Variants in SLC23A2 observed in about 807,000 individuals in gnomAD.
The protein encoded by SLC23A2 is solute carrier family 23 member 2.
A neutral mutation model predicts 73.3 loss-of-function variants in SLC23A2; 36 were observed. The observed-to-expected ratio is 0.49, with a 90% CI of 0.38 to 0.65. The LOEUF is 0.65. SLC23A2 is among the 30% of genes least tolerant of loss of function. The pLI is 0.00. For missense variants in SLC23A2, 507 were observed against 841.6 expected (o/e 0.60, Z 4.92); for synonymous variants, 343 against 327.3 (o/e 1.05, Z -0.52).
At chr20:4,865,973 T>G (rs6038002) in intron 13 of SLC23A2, among the ~76,000 whole-genome samples, 1 of 151,806 alleles carries the variant, frequency 6.6e-6, no homozygotes, top group Non-Finnish European at 1.5e-5. Context: ...GCTGGGACTA[T>G]GGGCACCAGC....
At chr20:5,010,240 C>T (rs2088235912) in exon 1 of SLC23A2, 1 of 152,118 alleles carries the variant, frequency 6.6e-6, no homozygotes, top group African/African-American at 2.4e-5. Flanking sequence ...CACCCTGAGT[C>T]TGAAGATCTG....
chr20:4,941,701 C>T (rs1285764445), intron 2 of SLC23A2, among the ~76,000 whole-genome samples: 1 of 140,702 alleles, frequency 7.1e-6, no homozygotes, highest in South Asian at 2.2e-4. Context: ...GACTCTGTCT[C>T]GAGGAAAAAA....
chr20:4,891,402 C>A (rs1319795195), intron 6 of SLC23A2, among the ~76,000 whole-genome samples: 1 of 152,142 alleles, frequency 6.6e-6, no homozygotes, highest in Admixed American at 6.5e-5. Flanking sequence ...GCTAGAGTTG[C>A]AGGAACAAAA....
At chr20:4,971,282 T>C (rs6053002) in intron 1 of SLC23A2, among the ~76,000 whole-genome samples, 60,900 of 148,916 alleles carry the variant, frequency 0.41, 12,539 homozygotes, top group Admixed American at 0.48. Context: ...GCCTGAGCAA[T>C]AGGGTGGTCT....
chr20:4,857,768 T>C lies in SLC23A2; in HGVS notation c.1721-564A>G, dbSNP rs1929786415. Among the ~76,000 whole-genome samples the C allele has an allele frequency of 6.6e-6, 1 of 151,862 alleles. No homozygotes were observed. Among genetic ancestry groups the C allele is most frequent in the East Asian group, 1.9e-4 (1 of 5,174 alleles). Reference sequence around the variant, plus strand: ...CAACATGGTGAAATCCCGTCCCCACTCAAAATACAAAAATTAGCTGGGCGT... The same window carrying C: ...CAACATGGTGAAATCCCGTCCCCACCCAAAATACAAAAATTAGCTGGGCGT... On this transcript the variant is annotated intron_variant, in intron 16 of 16. Coordinates refer to ENST00000338244, the MANE Select transcript of SLC23A2 (RefSeq NM_005116.6). This position sits in a 1 kb window ranked among gnomAD's most constrained non-coding sequence, Gnocchi z 4.0.
In SLC23A2 at chr20:4,883,521, A is replaced by T. The variant is rs566054126; in HGVS notation, c.824+121T>A. The T allele has an allele frequency of 1.3e-6, 1 of 765,462 alleles. No homozygotes were observed. The highest frequency in any genetic ancestry group is 2.0e-5 in the South Asian group (1 of 49,312). 47.4% of individuals were successfully genotyped at this position (765,462 alleles called of 1,614,324 possible). ...CTTCAACTATTCCCCAGCACGAAGCAAATAAAGTTGAAACTGTCAGACCAT... is the reference window on the plus strand; with the variant it reads ...CTTCAACTATTCCCCAGCACGAAGCTAATAAAGTTGAAACTGTCAGACCAT... On this transcript the variant is annotated intron_variant, in intron 9 of 16. Transcript: ENST00000338244. This position sits in a 1 kb window ranked among gnomAD's most constrained non-coding sequence, Gnocchi z 4.5.
intron 2 of SLC23A2, among the ~76,000 whole-genome samples, chr20:4,965,803 C>T (rs1600181716): frequency 6.6e-6 from 1 of 152,052 alleles, no homozygotes; most frequent in African/African-American, 2.4e-5. Flanking sequence ...ACCATCTCTA[C>T]TAAGAATACA....
intron 1 of SLC23A2, among the ~76,000 whole-genome samples, 198 bp downstream of exon 1, chr20:5,001,208 G>T (rs919251447): frequency 6.6e-6 from 1 of 150,834 alleles, no homozygotes; most frequent in Non-Finnish European, 1.5e-5. Flanking sequence ...TTGGGCCCCG[G>T]GGCCAGGGTG....
intron 1 of SLC23A2, among the ~76,000 whole-genome samples, chr20:4,974,694 GTAT>G (rs2087616286): frequency 6.6e-6 from 1 of 151,864 alleles, no homozygotes; most frequent in Non-Finnish European, 1.5e-5. Flanking sequence ...CCCAATGTTT[GTAT>G]TTTTTTCAAG....
chr20:4,910,381 A>AG (rs1485122078), intron 4 of SLC23A2, among the ~76,000 whole-genome samples: 1 of 78,310 alleles, frequency 1.3e-5, no homozygotes, highest in Non-Finnish European at 3.4e-5. Context: ...TGTCTCAAGA[A>AG]AAAAAAAAAA....
At chr20:4,924,102 C>T (rs1286911130) in intron 3 of SLC23A2, among the ~76,000 whole-genome samples, 3 of 152,094 alleles carry the variant, frequency 2.0e-5, no homozygotes, top group Admixed American at 1.3e-4. Context: ...AGCTCTGAGC[C>T]GCATCGCCAC....
intron 9 of SLC23A2, among the ~76,000 whole-genome samples, chr20:4,877,260 T>G (rs1930697418): frequency 1.3e-5 from 2 of 152,222 alleles, no homozygotes; most frequent in African/African-American, 4.8e-5. Context: ...TCATCATTGC[T>G]TCTAATACTC....
At chr20:4,873,097 A>G (rs948709681) in intron 11 of SLC23A2, among the ~76,000 whole-genome samples, 1 of 152,224 alleles carries the variant, frequency 6.6e-6, no homozygotes, top group African/African-American at 2.4e-5. Flanking sequence ...TGTATTGAGA[A>G]CAAAAAGAAC....
At chr20:4,961,238 T>C (rs2681110) in intron 2 of SLC23A2, among the ~76,000 whole-genome samples, 56,834 of 151,714 alleles carry the variant, frequency 0.37, 13,032 homozygotes, top group East Asian at 0.57. Context: ...CGTGTCACCA[T>C]GCCCAGCTAA....
At chr20:5,001,781 A>C (rs1325283607), upstream of SLC23A2, among the ~76,000 whole-genome samples, 2 of 150,374 alleles carry the variant, frequency 1.3e-5, no homozygotes, top group Non-Finnish European at 3.0e-5. Flanking sequence ...CTGGGGACCC[A>C]CCTGGCAAGC....
intron 3 of SLC23A2, among the ~76,000 whole-genome samples, 158 bp from the exon 4 acceptor site, chr20:4,913,136 G>C (rs1043945240): frequency 6.6e-6 from 1 of 152,198 alleles, no homozygotes; most frequent in Non-Finnish European, 1.5e-5. Flanking sequence ...TTAGCAGAAG[G>C]CTCAGCCGGG....
intron 1 of SLC23A2, among the ~76,000 whole-genome samples, chr20:4,977,649 G>C (rs1056083745): frequency 8.0e-5 from 12 of 149,522 alleles, no homozygotes; most frequent in Admixed American, 4.7e-4. Context: ...AGTGAGCTGA[G>C]ACTGCACCAC....
chr20:4,920,210 G>A (rs1270839062), intron 3 of SLC23A2, among the ~76,000 whole-genome samples: 4 of 152,190 alleles, frequency 2.6e-5, no homozygotes, highest in Non-Finnish European at 4.4e-5. Context: ...GCAATGAGCC[G>A]AGAACATGAC....
rs370870779 is a variant in SLC23A2 at position 4,932,590 on chromosome 20, G to C, written c.-28C>G. 9 of 1,210,470 alleles carry C rather than the reference G, an allele frequency of 7.4e-6. No individual in the cohort carries two copies. The highest frequency in any genetic ancestry group is 1.1e-5 in the Non-Finnish European group (9 of 811,554). 75.0% of individuals were successfully genotyped at this position (1,210,470 alleles called of 1,614,324 possible). A position where few individuals can be genotyped will look rare whatever the true frequency, so the allele number is the denominator to read the frequency against. ...AGAGAAACGAGTAGTTTACACAGCC[G>C]TTGGGGAGAGCAGCTGGAAGTGAAG... On this transcript the variant is annotated 5_prime_UTR_variant, in exon 3 of 17. Transcript: ENST00000338244.
Sources: allele counts gnomAD v4.1 joint callset (sites outside exome capture counted in the v4.1 genomes callset), GRCh38; gene constraint gnomAD v4.1.1; non-coding constraint Gnocchi (gnomAD v3.1); transcripts MANE v1.5; gene names NCBI Gene and HGNC (gene_info 2026-07-23, HGNC 2026-07-21).